The following COLGALT1 variants were observed in gnomAD, a reference collection of about 807,000 sequenced individuals.
COLGALT1 encodes collagen beta(1-O)galactosyltransferase 1, also known as procollagen galactosyltransferase 1.
Under a neutral mutation model 60.8 loss-of-function variants are expected in COLGALT1, and 43 were observed. The ratio of observed to expected loss-of-function variants is 0.71; its 90% CI spans 0.55 to 0.91. The LOEUF is 0.91. COLGALT1 is among the 40% of genes least tolerant of loss of function. The pLI is 0.00. For synonymous variants in COLGALT1, 369 were observed against 374.2 expected (o/e 0.99, Z 0.16); for missense variants, 845 against 880.0 (o/e 0.96, Z 0.50).
chr19:17,560,438 T>G lies in COLGALT1; in HGVS notation c.462T>G (p.Ala154=), dbSNP rs759041444. ...MKLRQAALKS[A]RDMWADYILF... The stretch of plus-strand genomic sequence containing the variant: ...TGCGCCAGGCAGCCCTGAAATCAGC[T>G]CGAGACATGTGGGCTGATTACATCC... Residue 154 remains alanine (A), a synonymous_variant, in exon 3 of 12, where the codon GCT becomes GCG. Transcript: ENST00000252599. The G allele has an allele frequency of 6.2e-7, 1 of 1,614,004 alleles. No individual in the cohort carries two copies. Among genetic ancestry groups the G allele is most frequent in the East Asian group, 2.2e-5 (1 of 44,870 alleles).
Position 17,555,710 on chromosome 19 carries a change from C to A in COLGALT1, c.-4C>A, listed in dbSNP as rs1055727816. ...AAAACGACTTAAAGGAGACGCGTGG[C>A]GCGATGGCGGCGGCCCCACGCGCGG... On this transcript the variant is annotated 5_prime_UTR_variant, in exon 1 of 12. Coordinates refer to ENST00000252599, the MANE Select transcript of COLGALT1 (RefSeq NM_024656.4). 3 of 1,186,918 alleles carry A rather than the reference C, an allele frequency of 2.5e-6. No homozygotes were observed. The highest frequency in any genetic ancestry group is 9.0e-5 in the Admixed American group (2 of 22,110). The allele number at this position is 1,186,918 out of a possible 1,614,324, so 73.5% of individuals were successfully genotyped here.
chr19:17,580,816 A>G lies in COLGALT1; in HGVS notation c.1512A>G (p.Gln504=), dbSNP rs151321150. 4.5e-5 allele frequency: 72 copies of G among 1,613,762 alleles called. No individual in the cohort carries two copies. In the African/African-American group the frequency reaches 8.7e-4, roughly 19 times the overall value. The change falls in exon 11 of 12, where the codon CAA becomes CAG. Residue 504 remains glutamine, a synonymous_variant. Transcript: ENST00000252599. ...YWTLAYVISL[Q]GARKLLAAEP... ...CCCTGGCCTACGTGATCTCCCTGCA[A>G]GGCGCCCGCAAACTGCTGGCTGCTG...
chr19:17,568,812 A>G (rs926883244), intron 5 of COLGALT1, 99 bp downstream of exon 5: 7 of 1,227,380 alleles, frequency 5.7e-6, no homozygotes, highest in Middle Eastern at 1.9e-4. Context: ...CACAGAACCC[A>G]AACAATGCAG....
intron 1 of COLGALT1, among the ~76,000 whole-genome samples, chr19:17,556,329 A>G (rs1037461108): frequency 1.3e-5 from 2 of 152,182 alleles, no homozygotes; most frequent in African/African-American, 4.8e-5. Context: ...CTGGGGCTCT[A>G]ACTCCCTCTG....
chr19:17,568,871 C>T (rs1228710677), intron 5 of COLGALT1, among the ~76,000 whole-genome samples, 158 bp downstream of exon 5: 1 of 152,186 alleles, frequency 6.6e-6, no homozygotes, highest in African/African-American at 2.4e-5. Flanking sequence ...CAGATAATGT[C>T]TCCAGGACCC....
intron 11 of COLGALT1, 81 bp downstream of exon 11, chr19:17,580,986 T>A: frequency 3.3e-6 from 5 of 1,525,914 alleles, no homozygotes; most frequent in Non-Finnish European, 4.5e-6. Flanking sequence ...ACTCACGGCC[T>A]CCGAGAAGAT....
rs1459338085 is a variant in COLGALT1 at position 17,581,485 on chromosome 19, A to C, written c.*41A>C. ...AAGCCAAAGCAGCCATCGGTGGCCCAGGCTCCACGTGCTTACTGAGGACAT... is the reference window on the plus strand; with the variant it reads ...AAGCCAAAGCAGCCATCGGTGGCCCCGGCTCCACGTGCTTACTGAGGACAT... On this transcript the variant is annotated 3_prime_UTR_variant, in exon 12 of 12. Coordinates refer to ENST00000252599, the MANE Select transcript of COLGALT1 (RefSeq NM_024656.4). The C allele has an allele frequency of 6.3e-7, 1 of 1,581,302 alleles. No individual in the cohort carries two copies. The highest frequency in any genetic ancestry group is 8.6e-7 in the Non-Finnish European group (1 of 1,168,528).
In COLGALT1 at chr19:17,581,824, A is replaced by G. The variant is rs1231301723; in HGVS notation, c.*380A>G. Reference sequence around the variant, plus strand: ...TTACTGATCAGATTAAGAATCAGGCACTAGTGATACACATTCATTTTTAAA... The same window carrying G: ...TTACTGATCAGATTAAGAATCAGGCGCTAGTGATACACATTCATTTTTAAA... On this transcript the variant is annotated 3_prime_UTR_variant, in exon 12 of 12. Transcript: ENST00000252599. 1 of 239,680 alleles carries G rather than the reference A, an allele frequency of 4.2e-6. No homozygotes were observed. Among genetic ancestry groups the G allele is most frequent in the African/African-American group, 2.2e-5 (1 of 45,252 alleles). The allele number at this position is 239,680 out of a possible 1,614,324, so 14.8% of individuals were successfully genotyped here.
intron 6 of COLGALT1, 109 bp downstream of exon 6, chr19:17,572,711 C>A: frequency 6.7e-7 from 1 of 1,501,358 alleles, no homozygotes. Context: ...ATGCAAGTCC[C>A]TGTGGGGGGT....
Position 17,582,245 on chromosome 19 carries a change from T to C in COLGALT1, c.*801T>C, listed in dbSNP as rs2076388505. On this transcript the variant is annotated 3_prime_UTR_variant, in exon 12 of 12. Coordinates refer to ENST00000252599, the MANE Select transcript of COLGALT1 (RefSeq NM_024656.4). ...AATATTGAGATAAATAAGATGCTTC[T>C]ATCCATTTATTCAAGCACATATTGG... is the stretch of plus-strand genomic sequence containing the variant. 1 of 152,176 alleles carries C rather than the reference T, an allele frequency of 6.6e-6. No homozygotes were observed. The highest frequency in any genetic ancestry group is 1.9e-4 in the East Asian group (1 of 5,192). 9.4% of individuals were successfully genotyped at this position (152,176 alleles called of 1,614,324 possible).
intron 5 of COLGALT1, 109 bp from the exon 6 acceptor site, chr19:17,572,374 C>T: frequency 1.3e-6 from 2 of 1,543,466 alleles, no homozygotes; most frequent in East Asian, 2.3e-5. Context: ...AGACACCTGA[C>T]CTCAAGCGAT....
chr19:17,555,861 C>A lies in COLGALT1; in HGVS notation c.148C>A (p.Gln50Lys). ...EERWSPESPL[Q>K]APRVLIALLA... ...GCGCTGGAGCCCGGAGTCGCCCCTG[C>A]AGGCGCCGCGCGTGCTCATCGCGCT... The change falls in exon 1 of 12, where the codon CAG (glutamine) becomes AAG (lysine). Residue 50 changes from glutamine to lysine, a missense_variant. Gln to Lys is a moderately conservative substitution (Grantham distance 53). Coordinates refer to ENST00000252599, the MANE Select transcript of COLGALT1 (RefSeq NM_024656.4). The A allele has an allele frequency of 7.3e-7, 1 of 1,372,768 alleles. No homozygotes were observed. The highest frequency in any genetic ancestry group is 3.2e-5 in the Admixed American group (1 of 31,090). The allele number at this position is 1,372,768 out of a possible 1,614,324, so 85.0% of individuals were successfully genotyped here.
In COLGALT1 at chr19:17,577,254, A is replaced by G; in HGVS notation, c.1009A>G (p.Lys337Glu). 2 of 1,613,214 alleles carry G rather than the reference A, an allele frequency of 1.2e-6. No homozygotes were observed. The highest frequency in any genetic ancestry group is 2.2e-5 in the East Asian group (1 of 44,840). ...FISAPTKTPD[K>E]MGFDEVFMIN... is the part of the protein sequence containing the mutation. ...CTCGGCTCCCACCAAGACACCGGAC[A>G]AGATGGGCTTCGACGAGGTGAGCTG... The change falls in exon 7 of 12, where the codon AAG becomes GAG. Residue 337 changes from lysine to glutamate, a missense_variant. Coordinates refer to ENST00000252599, the MANE Select transcript of COLGALT1 (RefSeq NM_024656.4).
In COLGALT1 at chr19:17,555,873, G is replaced by T. The variant is rs906929621; in HGVS notation, c.160G>T (p.Val54Leu). The stretch of plus-strand genomic sequence containing the variant: ...GGAGTCGCCCCTGCAGGCGCCGCGC[G>T]TGCTCATCGCGCTGTTGGCGCGAAA... ...SPESPLQAPR[V>L]LIALLARNAA... Residue 54 changes from valine (V) to leucine (L), a missense_variant, in exon 1 of 12, where the codon GTG (valine) becomes TTG (leucine). Val to Leu is a conservative substitution (Grantham distance 32). Transcript: ENST00000252599. 2 of 1,380,176 alleles carry T rather than the reference G, an allele frequency of 1.4e-6. No homozygotes were observed. Among genetic ancestry groups the T allele is most frequent in the East Asian group, 6.2e-5 (2 of 32,252 alleles). 85.5% of individuals were successfully genotyped at this position (1,380,176 alleles called of 1,614,324 possible). A position where few individuals can be genotyped will look rare whatever the true frequency, so the allele number is the denominator to read the frequency against.
chr19:17,558,976 T>C (rs986827682), intron 1 of COLGALT1, among the ~76,000 whole-genome samples: 14 of 151,856 alleles, frequency 9.2e-5, no homozygotes, highest in South Asian at 2.1e-4. Context: ...CTGGCCAACA[T>C]GGTGAAACCC....
chr19:17,577,071 A>T, intron 6 of COLGALT1, 124 bp from the exon 7 acceptor site: 1 of 871,342 alleles, frequency 1.1e-6, no homozygotes, highest in Non-Finnish European at 1.8e-6. Flanking sequence ...ATGTGGGCGG[A>T]GCCAGGTCGA....
At chr19:17,556,470 A>C in intron 1 of COLGALT1, 2 of 922,320 alleles carry the variant, frequency 2.2e-6, no homozygotes, top group African/African-American at 1.8e-5. Flanking sequence ...TCCAGGCCCC[A>C]GTCAAACCCC....
chr19:17,582,880 T>C lies in COLGALT1; in HGVS notation c.*1436T>C. 6.6e-6 allele frequency: 1 copy of C among 152,560 alleles called. No individual in the cohort carries two copies. The allele number at this position is 152,560 out of a possible 1,614,324, so 9.5% of individuals were successfully genotyped here. A position where few individuals can be genotyped will look rare whatever the true frequency, so the allele number is the denominator to read the frequency against. The stretch of plus-strand genomic sequence containing the variant: ...TCCCTGGCCCACTCCCGGTCCCCTG[T>C]GCTTTACCTCCTTGCCCTTGTGTCT... On this transcript the variant is annotated 3_prime_UTR_variant, in exon 12 of 12. Transcript: ENST00000252599.
chr19:17,569,206 C>G (rs1420071902), intron 5 of COLGALT1, among the ~76,000 whole-genome samples: 1 of 151,944 alleles, frequency 6.6e-6, no homozygotes, highest in Non-Finnish European at 1.5e-5. Flanking sequence ...AGTAAGAATC[C>G]TTCTCAAGAA....
Sources: gnomAD v4.1 joint callset for allele counts (sites outside exome capture counted in the v4.1 genomes callset) on GRCh38, gnomAD v4.1.1 for gene constraint, MANE v1.5 for transcripts, NCBI Gene and HGNC (gene_info 2026-07-23, HGNC 2026-07-21) for gene names.